Variants in DEPTOR observed in about 807,000 individuals in gnomAD.
The protein encoded by DEPTOR is DEP domain-containing mTOR-interacting protein.
Under a neutral mutation model 41.6 loss-of-function variants are expected in DEPTOR, and 41 were observed. That is an observed-to-expected ratio of 0.98 (90% CI 0.77 to 1.28). The LOEUF is 1.28. Among genes scored for constraint, DEPTOR ranks in the 50% most tolerant of loss-of-function variants. The pLI, the probability that DEPTOR is intolerant of heterozygous loss-of-function variation, is 0.00. For missense variants in DEPTOR, 514 were observed against 527.9 expected (o/e 0.97, Z 0.26); for synonymous variants, 195 against 192.3 (o/e 1.01, Z -0.12).
Position 119,928,526 on chromosome 8 carries a change from G to A in DEPTOR, c.249G>A (p.Glu83=), listed in dbSNP as rs2129848861. 2 of 1,614,162 alleles carry A rather than the reference G, an allele frequency of 1.2e-6. No individual in the cohort carries two copies. Among genetic ancestry groups the A allele is most frequent in the South Asian group, 2.2e-5 (2 of 91,084 alleles). Residue 83 remains glutamate (E), a synonymous_variant, in exon 2 of 9, where the codon GAG becomes GAA. Coordinates refer to ENST00000286234, the MANE Select transcript of DEPTOR (RefSeq NM_022783.4). ...AACACAAAGAGGCTTCTGACAGAGA[G>A]ACGGCAATTAAACTCATGCAGAAAT... ...LIEHKEASDR[E]TAIKLMQKLA...
At chr8:119,901,342 CA>C (rs1827587411) in intron 1 of DEPTOR, among the ~76,000 whole-genome samples, 1 of 152,074 alleles carries the variant, frequency 6.6e-6, no homozygotes, top group South Asian at 2.1e-4. Context: ...GATGCACAAA[CA>C]TATTAATATT....
chr8:120,020,143 A>C (rs1812677201), intron 8 of DEPTOR, among the ~76,000 whole-genome samples: 1 of 152,144 alleles, frequency 6.6e-6, no homozygotes, highest in Non-Finnish European at 1.5e-5. Context: ...GCTGGAGTAC[A>C]GTGGCATGAT....
chr8:119,918,911 G>A (rs28393075), intron 1 of DEPTOR, among the ~76,000 whole-genome samples: 12 of 150,788 alleles, frequency 8.0e-5, no homozygotes, highest in Admixed American at 7.3e-4. Flanking sequence ...ACCTTATGAA[G>A]TGGTTACTGC....
At chr8:119,971,587 G>C (rs1339998751) in intron 4 of DEPTOR, among the ~76,000 whole-genome samples, 1 of 152,168 alleles carries the variant, frequency 6.6e-6, no homozygotes, top group East Asian at 1.9e-4. Flanking sequence ...GAAGGAACCA[G>C]AGGTAAATTG....
intron 8 of DEPTOR, among the ~76,000 whole-genome samples, chr8:120,029,053 A>G (rs943376409): frequency 7.0e-6 from 1 of 142,052 alleles, no homozygotes; most frequent in Non-Finnish European, 1.5e-5. Flanking sequence ...AGCCTGGGCA[A>G]CAAGAGCAAA....
chr8:119,907,603 G>A (rs1461343734), intron 1 of DEPTOR, among the ~76,000 whole-genome samples: 1 of 152,128 alleles, frequency 6.6e-6, no homozygotes, highest in African/African-American at 2.4e-5. Context: ...GACCACACTG[G>A]CCAACATGGT....
chr8:119,908,509 T>G (rs1467765671), intron 1 of DEPTOR, among the ~76,000 whole-genome samples: 1 of 143,652 alleles, frequency 7.0e-6, no homozygotes, highest in Non-Finnish European at 1.5e-5. Flanking sequence ...TAACAAATTA[T>G]TTGAACTTGT....
rs1028006670 is a variant in DEPTOR at position 119,978,034 on chromosome 8, A to G, written c.604+12624A>G. ...CTTGACATTAGTAGAATCTTTGTCCATTGTATATAAACTGCTTCTCGAGGT... is the reference window on the plus strand; with the variant it reads ...CTTGACATTAGTAGAATCTTTGTCCGTTGTATATAAACTGCTTCTCGAGGT... On this transcript the variant is annotated intron_variant, in intron 4 of 8. Coordinates refer to ENST00000286234, the MANE Select transcript of DEPTOR (RefSeq NM_022783.4). 2.0e-5 allele frequency among the ~76,000 whole-genome samples: 3 copies of G among 152,098 alleles called. No individual in the cohort carries two copies. In the East Asian group the frequency reaches 5.8e-4, roughly 29 times the overall value.
intron 6 of DEPTOR, 26 bp from the exon 7 acceptor site, chr8:120,006,779 G>A: frequency 6.2e-7 from 1 of 1,611,018 alleles, no homozygotes; most frequent in South Asian, 1.1e-5. Context: ...AAGTGCTTAT[G>A]TCTTGACATT....
chr8:119,990,230 T>C (rs1437588714), intron 4 of DEPTOR, among the ~76,000 whole-genome samples: 1 of 152,194 alleles, frequency 6.6e-6, no homozygotes, highest in Non-Finnish European at 1.5e-5. Flanking sequence ...GCATCTCTGC[T>C]CACTGCAAGC....
chr8:119,915,531 C>T (rs1827799992), intron 1 of DEPTOR, among the ~76,000 whole-genome samples: 1 of 152,166 alleles, frequency 6.6e-6, no homozygotes, highest in African/African-American at 2.4e-5. Context: ...AGATTAGCAA[C>T]TTCTGTTTCC....
intron 1 of DEPTOR, among the ~76,000 whole-genome samples, chr8:119,896,411 G>A (rs912433184): frequency 4.6e-5 from 7 of 152,348 alleles, no homozygotes; most frequent in South Asian, 2.1e-4. Flanking sequence ...AGCTGTTGGA[G>A]TGTGGCGGTC....
chr8:119,900,367 A>T (rs1586605651), intron 1 of DEPTOR, among the ~76,000 whole-genome samples: 1 of 75,566 alleles, frequency 1.3e-5, no homozygotes, highest in Admixed American at 1.6e-4. Flanking sequence ...AATGTCTATT[A>T]CACACCCCTC....
chr8:119,908,268 C>T (rs1827692996), intron 1 of DEPTOR, among the ~76,000 whole-genome samples: 1 of 152,066 alleles, frequency 6.6e-6, no homozygotes, highest in African/African-American at 2.4e-5. Context: ...TGGCATTCAT[C>T]AGTATCCCCT....
intron 3 of DEPTOR, among the ~76,000 whole-genome samples, chr8:119,934,323 C>G (rs1828082933): frequency 6.6e-6 from 1 of 152,216 alleles, no homozygotes; most frequent in African/African-American, 2.4e-5. Context: ...TTGAGACATG[C>G]TGGAACAAAC....
intron 1 of DEPTOR, among the ~76,000 whole-genome samples, chr8:119,889,710 A>T (rs1267937252): frequency 7.7e-6 from 1 of 130,270 alleles, no homozygotes; most frequent in East Asian, 2.6e-4. Flanking sequence ...GGAGAAGGGA[A>T]AGCAGTGCAG....
chr8:120,007,026 C>A, intron 7 of DEPTOR, 151 bp downstream of exon 7: 1 of 710,510 alleles, frequency 1.4e-6, no homozygotes, highest in Non-Finnish European at 2.3e-6. Context: ...GCTTTCTTGA[C>A]CTCAAGGCAC....
intron 1 of DEPTOR, among the ~76,000 whole-genome samples, chr8:119,904,275 C>T (rs1827632589): frequency 6.6e-6 from 1 of 151,780 alleles, no homozygotes; most frequent in African/African-American, 2.4e-5. Flanking sequence ...CCTGCCACCA[C>T]GCCCAGCTGA....
chr8:120,046,668 G>T (rs567992082), intron 8 of DEPTOR, among the ~76,000 whole-genome samples: 68 of 152,050 alleles, frequency 4.5e-4, no homozygotes, highest in African/African-American at 1.6e-3. Flanking sequence ...TGTTGTCCAG[G>T]CTGGCTCAAG....
Sources: gnomAD v4.1 joint callset for allele counts (sites outside exome capture counted in the v4.1 genomes callset) on GRCh38, gnomAD v4.1.1 for gene constraint, MANE v1.5 for transcripts, NCBI Gene and HGNC (gene_info 2026-07-23, HGNC 2026-07-21) for gene names.